MYO5B: variants seen among roughly 807,000 people sequenced by gnomAD.
MYO5B encodes myosin VB.
MYO5B carries 143 observed loss-of-function variants against 229.3 expected under a neutral mutation model. The observed-to-expected ratio is 0.62, with a 90% CI of 0.54 to 0.72. The LOEUF (loss-of-function observed/expected upper bound fraction) is 0.72. MYO5B is among the 30% of genes least tolerant of loss of function. MYO5B has a pLI of 0.00. For synonymous variants in MYO5B, 918 were observed against 885.2 expected (o/e 1.04, Z -0.66); for missense variants, 2,321 against 2,331.0 (o/e 1.00, Z 0.09).
intron 5 of MYO5B, among the ~76,000 whole-genome samples, chr18:49,997,267 T>TAAAAA (rs58927375): frequency 1.2e-3 from 123 of 101,184 alleles, no homozygotes; most frequent in Non-Finnish European, 1.7e-3. Flanking sequence ...GTCCTGTCTT[T>TAAAAA]AAAAAAAAAA....
chr18:49,864,106 C>T (rs761301384), intron 28 of MYO5B, 35 bp downstream of exon 28: 6 of 1,602,032 alleles, frequency 3.7e-6, no homozygotes, highest in African/African-American at 1.3e-5. Context: ...AGGGTCACCC[C>T]TCGGCAGCCC....
intron 27 of MYO5B, chr18:49,871,431 A>C (rs1284405996): frequency 1.3e-5 from 2 of 154,454 alleles, no homozygotes; most frequent in East Asian, 1.9e-4. Context: ...TATGATGGTA[A>C]ATTTTTTGTG....
chr18:49,927,309 C>T (rs2025139592), intron 17 of MYO5B, among the ~76,000 whole-genome samples: 3 of 150,238 alleles, frequency 2.0e-5, no homozygotes, highest in South Asian at 4.2e-4. Context: ...AAGCCATCTA[C>T]AAATTCAATG....
rs183264937 is a variant in MYO5B, at chr18:49,954,462, C to A, written c.1546-27G>T. ...TGCAGAACCACAAGATAGGGCAGAG[C>A]GCTTTGTGAAGAGGAAGAAGGAAGC... On this transcript the variant is annotated intron_variant, in intron 12 of 39. Coordinates refer to ENST00000285039, the MANE Select transcript of MYO5B (RefSeq NM_001080467.3). 6 of 1,613,484 alleles carry A rather than the reference C, an allele frequency of 3.7e-6. No homozygotes were observed. In the African/African-American group the frequency reaches 5.3e-5, roughly 14 times the overall value.
chr18:49,875,096 A>G (rs906593019), intron 26 of MYO5B, among the ~76,000 whole-genome samples: 6 of 152,184 alleles, frequency 3.9e-5, no homozygotes, highest in Non-Finnish European at 1.5e-5. Flanking sequence ...CGTGCCTGGC[A>G]CTGGCATAGT....
At chr18:50,059,173 C>G (rs914061010) in intron 1 of MYO5B, among the ~76,000 whole-genome samples, 1 of 152,206 alleles carries the variant, frequency 6.6e-6, no homozygotes, top group African/African-American at 2.4e-5. Flanking sequence ...GGAACAGATG[C>G]TCACTAAATG....
intron 2 of MYO5B, among the ~76,000 whole-genome samples, chr18:50,044,871 T>G (rs1167066600): frequency 1.3e-5 from 2 of 150,090 alleles, no homozygotes; most frequent in Admixed American, 6.7e-5. Context: ...AGCTTCAGTA[T>G]TTAAAGGGGA....
chr18:49,949,331 G>GAA (rs11420664), intron 14 of MYO5B, among the ~76,000 whole-genome samples: 105 of 95,128 alleles, frequency 1.1e-3, no homozygotes, highest in African/African-American at 2.5e-3. Context: ...TGGAAAACTG[G>GAA]AAAAAAAAAA....
At chr18:50,126,517 A>G (rs1406327064) in intron 1 of MYO5B, 1 of 154,934 alleles carries the variant, frequency 6.5e-6, no homozygotes, top group Non-Finnish European at 1.5e-5. Flanking sequence ...CCAGGAAGCT[A>G]CAGAATCCCG....
chr18:50,162,523 C>T (rs1350392301), intron 1 of MYO5B, among the ~76,000 whole-genome samples: 4 of 152,188 alleles, frequency 2.6e-5, no homozygotes, highest in African/African-American at 4.8e-5. Flanking sequence ...AGATTGCCAA[C>T]GATGCTTGGT....
chr18:49,885,086 GT>G (rs752267075), intron 22 of MYO5B, among the ~76,000 whole-genome samples: 16 of 152,226 alleles, frequency 1.1e-4, no homozygotes, highest in Non-Finnish European at 1.9e-4. Context: ...TCCTCAAAAG[GT>G]TTAACATAGA....
intron 4 of MYO5B, among the ~76,000 whole-genome samples, chr18:50,005,472 A>C (rs572608061): frequency 2.0e-5 from 3 of 152,218 alleles, no homozygotes; most frequent in Non-Finnish European, 4.4e-5. Flanking sequence ...GTACAGTGGC[A>C]CAATCACAGC....
intron 4 of MYO5B, among the ~76,000 whole-genome samples, chr18:50,014,046 T>C (rs72913825): frequency 0.092 from 14,005 of 152,174 alleles, 745 homozygotes; most frequent in East Asian, 0.22. Context: ...TCAATTGTGG[T>C]CAATTTCTCT....
At chr18:49,830,346 C>T (rs995210979) in intron 39 of MYO5B, among the ~76,000 whole-genome samples, 1 of 152,116 alleles carries the variant, frequency 6.6e-6, no homozygotes, top group African/African-American at 2.4e-5. Context: ...AGGTGCAACA[C>T]TTCTGAAAAA....
At chr18:50,076,319 G>A (rs1323936888) in intron 1 of MYO5B, among the ~76,000 whole-genome samples, 1 of 152,092 alleles carries the variant, frequency 6.6e-6, no homozygotes, top group African/African-American at 2.4e-5. Context: ...GGCAGTGGAC[G>A]ATCATACCAT....
At chr18:50,001,965 G>A (rs1328689444) in intron 4 of MYO5B, among the ~76,000 whole-genome samples, 1 of 151,092 alleles carries the variant, frequency 6.6e-6, no homozygotes, top group African/African-American at 2.4e-5. Flanking sequence ...GAACCGAGGA[G>A]GCAGAGGTTG....
intron 4 of MYO5B, among the ~76,000 whole-genome samples, chr18:50,011,336 A>G (rs917224261): frequency 6.6e-6 from 1 of 151,994 alleles, no homozygotes; most frequent in African/African-American, 2.4e-5. Context: ...ATCGTTCCTC[A>G]CTTCTCCAGG....
intron 4 of MYO5B, among the ~76,000 whole-genome samples, chr18:50,010,670 G>A (rs532359723): frequency 3.3e-5 from 5 of 152,170 alleles, no homozygotes; most frequent in African/African-American, 1.2e-4. Flanking sequence ...GAGCAACAGA[G>A]GCACGTGTTT....
chr18:49,869,815 C>T (rs11659310), intron 27 of MYO5B, among the ~76,000 whole-genome samples: 5 of 151,728 alleles, frequency 3.3e-5, no homozygotes, highest in African/African-American at 1.2e-4. Context: ...CAGCAGGTCT[C>T]GGGGGTGGGG....
Sources: gnomAD v4.1 joint callset for allele counts (sites outside exome capture counted in the v4.1 genomes callset) on GRCh38, gnomAD v4.1.1 for gene constraint, MANE v1.5 for transcripts, NCBI Gene and HGNC (gene_info 2026-07-23, HGNC 2026-07-21) for gene names.